The following TBL3 variants were observed in gnomAD, a reference collection of about 807,000 sequenced individuals.
The protein encoded by TBL3 is transducin beta-like protein 3.
A neutral mutation model predicts 102.7 loss-of-function variants in TBL3; 71 were observed. The observed-to-expected ratio is 0.69, with a 90% confidence interval of 0.57 to 0.84. TBL3 has a LOEUF of 0.84. Ranked by LOEUF, TBL3 falls within the 40% of genes least tolerant of loss-of-function variation. The pLI is 0.00. For missense variants in TBL3, 1,188 were observed against 1,098.5 expected (o/e 1.08, Z -1.15); for synonymous variants, 578 against 477.7 (o/e 1.21, Z -2.74).
In TBL3 at chr16:1,974,378, G is replaced by C. The variant is rs779581319; in HGVS notation, c.192G>C (p.Glu64Asp). Residue 64 changes from glutamate to aspartate, a missense_variant and splice_region_variant, in exon 4 of 22, where the codon GAG becomes GAC. Glu to Asp is a conservative substitution (Grantham distance 45). Coordinates refer to ENST00000568546, the MANE Select transcript of TBL3 (RefSeq NM_006453.3). ...CGGCACACCACTCTTTCTCCTAGGA[G>C]GACCAGGAGGACATCACTGCCTTTG... The part of the protein sequence containing the change: ...SGAVLRSLEQ[E>D]DQEDITAFDL... The C allele has an allele frequency of 1.9e-6, 3 of 1,609,784 alleles. No individual in the cohort carries two copies. In the South Asian group the frequency reaches 3.3e-5, roughly 18 times the overall value.
At chr16:1,975,752 A>G in intron 10 of TBL3, 42 bp downstream of exon 10, 3 of 1,613,180 alleles carry the variant, frequency 1.9e-6, no homozygotes, top group Non-Finnish European at 2.5e-6. Flanking sequence ...TGCGGGCACC[A>G]GCCCTCCTCT....
In TBL3 at chr16:1,978,871, C is replaced by A; in HGVS notation, c.*186C>A. The A allele has an allele frequency of 9.2e-7, 1 of 1,084,748 alleles. No homozygotes were observed. 67.2% of individuals were successfully genotyped at this position (1,084,748 alleles called of 1,614,324 possible). A position where few individuals can be genotyped will look rare whatever the true frequency, so the allele number is the denominator to read the frequency against. ...TGCCACGCCCATCCCGCACCCTGGC[C>A]TGGCAGAGATCCAGCCCGCGGCTCC... On this transcript the variant is annotated 3_prime_UTR_variant, in exon 22 of 22. Coordinates refer to ENST00000568546, the MANE Select transcript of TBL3 (RefSeq NM_006453.3).
At chr16:1,974,029 C>A in intron 1 of TBL3, 27 bp from the exon 2 acceptor site, 1 of 1,528,200 alleles carries the variant, frequency 6.5e-7, no homozygotes, top group Non-Finnish European at 8.8e-7. Context: ...GTGGGTGGTG[C>A]TCATTCGCCT....
chr16:1,979,523 G>C lies in TBL3; in HGVS notation c.*838G>C, dbSNP rs150628810. The C allele has an allele frequency of 6.2e-7, 1 of 1,611,112 alleles. No individual in the cohort carries two copies. The highest frequency in any genetic ancestry group is 1.7e-5 in the Admixed American group (1 of 59,860). Reference sequence around the variant, plus strand: ...CTGCGCGGCTGCTCTCGTAGGCGCGGGAAGCACAGAACTGGGGACCTGGTG... The same window carrying C: ...CTGCGCGGCTGCTCTCGTAGGCGCGCGAAGCACAGAACTGGGGACCTGGTG... On this transcript the variant is annotated 3_prime_UTR_variant, in exon 22 of 22. Coordinates refer to ENST00000568546, the MANE Select transcript of TBL3 (RefSeq NM_006453.3).
At position 1,979,687 on chromosome 16, in the gene TBL3, C is replaced by T. The variant is rs2150888556; in HGVS notation, c.*1002C>T. The T allele has an allele frequency of 2.5e-6, 3 of 1,192,560 alleles. No homozygotes were observed. The highest frequency in any genetic ancestry group is 3.0e-5 in the South Asian group (2 of 66,078). The allele number at this position is 1,192,560 out of a possible 1,614,324, so 73.9% of individuals were successfully genotyped here. ...CGGGGCTTCCTCTAGGTGCGGAGACCAAGCACGGGCTCCTGGCCCGCCCTG... is the reference window on the plus strand; with the variant it reads ...CGGGGCTTCCTCTAGGTGCGGAGACTAAGCACGGGCTCCTGGCCCGCCCTG... On this transcript the variant is annotated 3_prime_UTR_variant, in exon 22 of 22. Transcript: ENST00000568546.
chr16:1,976,340 G>A (rs1405242658), intron 13 of TBL3, 26 bp downstream of exon 13: 1 of 1,597,534 alleles, frequency 6.3e-7, no homozygotes. Context: ...TGGGCCCAGG[G>A]GTGTCAGGGA....
chr16:1,974,738 AC>A (rs769005775), intron 5 of TBL3, 24 bp from the exon 6 acceptor site: 53 of 1,611,130 alleles, frequency 3.3e-5, no homozygotes, highest in Non-Finnish European at 3.8e-5. Flanking sequence ...TGGGCATTCC[AC>A]CCCCTCACCT....
rs2083366264 is a variant in TBL3 at position 1,972,258 on chromosome 16, C to G, written c.41+53C>G. 3.1e-6 allele frequency: 4 copies of G among 1,300,662 alleles called. No homozygotes were observed. In the East Asian group the frequency reaches 1.3e-4, roughly 41 times the overall value. 80.6% of individuals were successfully genotyped at this position (1,300,662 alleles called of 1,614,324 possible). A position where few individuals can be genotyped will look rare whatever the true frequency, so the allele number is the denominator to read the frequency against. On this transcript the variant is annotated intron_variant, in intron 1 of 21. Transcript: ENST00000568546. ...GGGAGGGAGCTGGGTTTGCAGCCGG[C>G]ATAGCGGAGGCGCGCGTGGGGTGGG... is the stretch of plus-strand genomic sequence containing the variant.
chr16:1,978,289 C>T (rs762231468), intron 20 of TBL3, 24 bp from the exon 21 acceptor site: 10 of 1,610,240 alleles, frequency 6.2e-6, no homozygotes, highest in African/African-American at 1.3e-5. Flanking sequence ...CTGGGCAAGA[C>T]GATGAGGGTC....
At position 1,980,158 on chromosome 16, in the gene TBL3, T is replaced by C. The variant is rs111267512; in HGVS notation, c.*1473T>C. The C allele has an allele frequency of 6.2e-7, 1 of 1,604,142 alleles. No individual in the cohort carries two copies. Among genetic ancestry groups the C allele is most frequent in the Non-Finnish European group, 8.5e-7 (1 of 1,177,878 alleles). ...CGCAGCGCGAGAAAGAGGCTGCTCCTCTGGGGTGGGCAGGATCACCCGGCT... is the reference window on the plus strand; with the variant it reads ...CGCAGCGCGAGAAAGAGGCTGCTCCCCTGGGGTGGGCAGGATCACCCGGCT... On this transcript the variant is annotated 3_prime_UTR_variant, in exon 22 of 22. Transcript: ENST00000568546.
intron 13 of TBL3, 22 bp downstream of exon 13, chr16:1,976,336 C>A: frequency 6.3e-7 from 1 of 1,596,932 alleles, no homozygotes; most frequent in Non-Finnish European, 8.5e-7. Flanking sequence ...GGGCTGGGCC[C>A]AGGGGTGTCA....
rs772475704 is a variant in TBL3 at position 1,975,933 on chromosome 16, C to T, written c.1113C>T (p.Ile371=). ...AGCTGCAGACGTCAGCCTGCCAGAT[C>T]CTCCACGGCCACACGGGTGAGTGGG... ...VFELQTSACQ[I]LHGHTDIVLA... Residue 371 remains isoleucine (I), a synonymous_variant, in exon 11 of 22, where the codon ATC becomes ATT. Transcript: ENST00000568546. 8.1e-6 allele frequency: 13 copies of T among 1,614,160 alleles called. No homozygotes were observed. In the East Asian group the frequency reaches 2.2e-4, roughly 28 times the overall value.
rs373680872 is a variant in TBL3 at position 1,974,158 on chromosome 16, G to T, written c.94-39G>T. 659 of 1,563,324 alleles carry T rather than the reference G, an allele frequency of 4.2e-4. 1 individual carries two copies. Among genetic ancestry groups the T allele is most frequent in the Non-Finnish European group, 3.7e-4 (427 of 1,150,430 alleles). On this transcript the variant is annotated intron_variant, in intron 2 of 21. Transcript: ENST00000568546. ...GGCGGGCAGCCAGAGGCCGCGGGGG[G>T]TGCTGAATGTTGCCTGGCTGAGACC...
chr16:1,975,815 G>C lies in TBL3; in HGVS notation c.995G>C (p.Gly332Ala). The change falls in exon 11 of 22, where the codon GGC becomes GCC. Residue 332 changes from glycine (G) to alanine (A), a missense_variant. Transcript: ENST00000568546. ...RSLRLQKQFA[G>A]YSEEVLDVRF... ...CTCCCTGCCACCCCGCAGTTCGCTG[G>C]CTACAGTGAGGAGGTTTTGGATGTC... 2.5e-6 allele frequency: 4 copies of C among 1,614,156 alleles called. No homozygotes were observed. Among genetic ancestry groups the C allele is most frequent in the Non-Finnish European group, 2.5e-6 (3 of 1,180,032 alleles).
rs1200820890 is a variant in TBL3, at chr16:1,976,896, A to G, written c.1375A>G (p.Asn459Asp). The G allele has an allele frequency of 1.9e-6, 3 of 1,613,980 alleles. No homozygotes were observed. The highest frequency in any genetic ancestry group is 2.5e-6 in the Non-Finnish European group (3 of 1,180,008). ...TCTTCCCAAAGCCTTGCTGTCCAAG[A>G]ACACAGCCCCAGACAACGGCCCTAT... ...WPLPKALLSK[N>D]TAPDNGPILL... Residue 459 changes from asparagine (N) to aspartate (D), a missense_variant, in exon 14 of 22, where the codon AAC (asparagine) becomes GAC (aspartate). Coordinates refer to ENST00000568546, the MANE Select transcript of TBL3 (RefSeq NM_006453.3).
Position 1,979,890 on chromosome 16 carries a change from C to T in TBL3, c.*1205C>T, listed in dbSNP as rs1597055703. On this transcript the variant is annotated 3_prime_UTR_variant, in exon 22 of 22. Coordinates refer to ENST00000568546, the MANE Select transcript of TBL3 (RefSeq NM_006453.3). ...AGGCGGTCTGCCGGTCTTCGTTCTC[C>T]ACCAGCCACCAGCCTGTGCGCAAGA... 2 of 1,581,706 alleles carry T rather than the reference C, an allele frequency of 1.3e-6. No individual in the cohort carries two copies. The highest frequency in any genetic ancestry group is 1.1e-5 in the South Asian group (1 of 87,380).
chr16:1,979,504 G>T lies in TBL3; in HGVS notation c.*819G>T. 1 of 1,611,778 alleles carries T rather than the reference G, an allele frequency of 6.2e-7. No individual in the cohort carries two copies. The highest frequency in any genetic ancestry group is 8.5e-7 in the Non-Finnish European group (1 of 1,179,358). Reference sequence around the variant, plus strand: ...GCGGGCACGGACAGCTCATCTGCGCGGCTGCTCTCGTAGGCGCGGGAAGCA... The same window carrying T: ...GCGGGCACGGACAGCTCATCTGCGCTGCTGCTCTCGTAGGCGCGGGAAGCA... On this transcript the variant is annotated 3_prime_UTR_variant, in exon 22 of 22. Coordinates refer to ENST00000568546, the MANE Select transcript of TBL3 (RefSeq NM_006453.3).
At position 1,978,456 on chromosome 16, in the gene TBL3, C is replaced by T. The variant is rs2083424460; in HGVS notation, c.2278C>T (p.Leu760=). ...AGGCGTGCGGGCAGCGCTTGAGGCC[C>T]TGCTGCCCTACACTGGTATGTGGGC... ...YEGVRAALEA[L]LPYTERHFQR... is the part of the protein sequence containing the mutation. Residue 760 remains leucine (L), a synonymous_variant, in exon 21 of 22, where the codon CTG becomes TTG. Transcript: ENST00000568546. 6.2e-7 allele frequency: 1 copy of T among 1,606,822 alleles called. No homozygotes were observed. Among genetic ancestry groups the T allele is most frequent in the Middle Eastern group, 1.7e-4 (1 of 6,020 alleles).
In TBL3 at chr16:1,978,073, C is replaced by A; in HGVS notation, c.2062+12C>A. 6.2e-7 allele frequency: 1 copy of A among 1,604,230 alleles called. No individual in the cohort carries two copies. The highest frequency in any genetic ancestry group is 1.1e-5 in the South Asian group (1 of 89,928). On this transcript the variant is annotated intron_variant, in intron 19 of 21. Coordinates refer to ENST00000568546, the MANE Select transcript of TBL3 (RefSeq NM_006453.3). ...GACTGTCATCCAGGGTCAGTGCCCACCCCGGGGGGCGAGGGGCTGGGTCTT... is the reference window on the plus strand; with the variant it reads ...GACTGTCATCCAGGGTCAGTGCCCAACCCGGGGGGCGAGGGGCTGGGTCTT...
Sources: gnomAD v4.1 joint callset for allele counts on GRCh38, gnomAD v4.1.1 for gene constraint, MANE v1.5 for transcripts, NCBI Gene and HGNC (gene_info 2026-07-23, HGNC 2026-07-21) for gene names.